The following SHOC1 variants were observed in gnomAD, a reference collection of about 807,000 sequenced individuals.
The protein encoded by SHOC1 is shortage in chiasmata 1, also known as protein shortage in chiasmata 1 ortholog.
SHOC1 carries 136 observed loss-of-function variants against 179.2 expected under a neutral mutation model. The ratio of observed to expected loss-of-function variants is 0.76; its 90% CI spans 0.66 to 0.87. The LOEUF is 0.87. Among genes scored for constraint, SHOC1 ranks in the 40% least tolerant of loss-of-function variants. The pLI is 0.00. For synonymous variants in SHOC1, 489 were observed against 586.6 expected, an observed-to-expected ratio of 0.83 and a Z score of 2.41; for missense variants, 1,538 against 1,700.8, an observed-to-expected ratio of 0.90 and a Z score of 1.68.
intron 17 of SHOC1, 95 bp downstream of exon 17, chr9:111,714,350 C>T: frequency 7.9e-7 from 1 of 1,266,602 alleles, no homozygotes; most frequent in Non-Finnish European, 1.1e-6. Flanking sequence ...GTAGTATAGA[C>T]TACTTCATAA....
chr9:111,773,535 C>T (rs531796605), intron 5 of SHOC1, among the ~76,000 whole-genome samples: 122 of 152,248 alleles, frequency 8.0e-4, no homozygotes, highest in African/African-American at 2.6e-3. Context: ...TGGTTTCGAA[C>T]GCCTGACCCC....
In SHOC1 at chr9:111,705,375, G is replaced by T; in HGVS notation, c.2738-11C>A. ...CCAGCAAGGTGCTTCCTAAATAAGA[G>T]AAAATTTATAAATATTTCTCTTTTA... On this transcript the variant is annotated splice_polypyrimidine_tract_variant and intron_variant, in intron 20 of 27. Transcript: ENST00000682961. The T allele has an allele frequency of 6.7e-6, 9 of 1,343,606 alleles. No homozygotes were observed. The highest frequency in any genetic ancestry group is 1.6e-5 in the South Asian group (1 of 64,492). The allele number at this position is 1,343,606 out of a possible 1,614,324, so 83.2% of individuals were successfully genotyped here. A position where few individuals can be genotyped will look rare whatever the true frequency, so the allele number is the denominator to read the frequency against.
chr9:111,718,384 T>C, intron 15 of SHOC1, 96 bp from the exon 16 acceptor site: 1 of 692,576 alleles, frequency 1.4e-6, no homozygotes. Flanking sequence ...TAACATTTAT[T>C]ATTGAGTGCT....
chr9:111,691,529 ATC>A lies in SHOC1; in HGVS notation c.4426+20_4426+21del. 36 of 1,535,184 alleles carry A rather than the reference ATC, an allele frequency of 2.3e-5. No individual in the cohort carries two copies. The highest frequency in any genetic ancestry group is 3.0e-5 in the Non-Finnish European group (34 of 1,141,138). ...TAAAATTAAATTTGAGAGTAGTTTT[ATC>A]AACTATTGGATAGTGTTACCTGTTA... On this transcript the variant is annotated intron_variant, in intron 27 of 27. Coordinates refer to ENST00000682961, the MANE Select transcript of SHOC1 (RefSeq NM_001378211.1).
intron 21 of SHOC1, 83 bp downstream of exon 21, chr9:111,705,164 T>TAC (rs1452730011): frequency 4.9e-5 from 4 of 81,420 alleles, no homozygotes; most frequent in African/African-American, 5.1e-5. Context: ...CCTATCAGAA[T>TAC]ATATATACAC....
chr9:111,742,567 G>A (rs1054875413), intron 10 of SHOC1, among the ~76,000 whole-genome samples: 1 of 152,114 alleles, frequency 6.6e-6, no homozygotes, highest in African/African-American at 2.4e-5. Context: ...ACTAGCCTTC[G>A]TAGGGGAAAG....
At chr9:111,769,880 G>A (rs1021417504) in intron 5 of SHOC1, among the ~76,000 whole-genome samples, 5 of 151,294 alleles carry the variant, frequency 3.3e-5, no homozygotes, top group Admixed American at 6.6e-5. Context: ...TTGTATTTCT[G>A]AGGTCTCAGT....
intron 7 of SHOC1, among the ~76,000 whole-genome samples, chr9:111,756,690 A>G (rs1054267370): frequency 5.3e-5 from 8 of 152,234 alleles, no homozygotes; most frequent in African/African-American, 1.9e-4. Flanking sequence ...TGAGTATTGT[A>G]TTTTATGGTC....
At chr9:111,776,008 T>C in intron 4 of SHOC1, 33 bp from the exon 5 acceptor site, 3 of 1,543,906 alleles carry the variant, frequency 1.9e-6, no homozygotes, top group Non-Finnish European at 2.7e-6. Context: ...ATGTTATGTA[T>C]GTCCTATTTT....
intron 24 of SHOC1, among the ~76,000 whole-genome samples, chr9:111,698,480 T>C (rs1831811828): frequency 6.6e-6 from 1 of 152,242 alleles, no homozygotes; most frequent in South Asian, 2.1e-4. Flanking sequence ...TTTTGTCAGG[T>C]TTGTCAAAGA....
intron 2 of SHOC1, among the ~76,000 whole-genome samples, chr9:111,788,722 T>C (rs966804994): frequency 1.3e-5 from 2 of 152,246 alleles, no homozygotes; most frequent in Admixed American, 6.5e-5. Flanking sequence ...TATCTTTGCA[T>C]TATTTCCTTT....
Position 111,758,834 on chromosome 9 carries a change from C to A in SHOC1, c.457G>T (p.Asp153Tyr). The change falls in exon 6 of 28, where the codon GAT (aspartate) becomes TAT (tyrosine). Residue 153 changes from aspartate (D) to tyrosine (Y), a missense_variant. Physicochemically the swap from Asp to Tyr is radical, Grantham distance 160 (BLOSUM62 -3). Transcript: ENST00000682961. The part of the protein sequence containing the change: ...QNQNQDLFID[D>Y]KGILFVSSRK... ...CTACTTACAAAAAGTATTCCTTTAT[C>A]ATCAATAAATAAATCTGAAAAGAAA... The A allele has an allele frequency of 6.6e-7, 1 of 1,510,156 alleles. No homozygotes were observed. The highest frequency in any genetic ancestry group is 9.0e-7 in the Non-Finnish European group (1 of 1,112,228). 93.5% of individuals were successfully genotyped at this position (1,510,156 alleles called of 1,614,324 possible).
At chr9:111,769,491 T>C (rs1428847663) in intron 5 of SHOC1, among the ~76,000 whole-genome samples, 1 of 152,148 alleles carries the variant, frequency 6.6e-6, no homozygotes, top group Non-Finnish European at 1.5e-5. Context: ...TTTTCCTTTT[T>C]TTGACATAGG....
intron 23 of SHOC1, among the ~76,000 whole-genome samples, chr9:111,700,446 C>T (rs1487824162): frequency 6.6e-6 from 1 of 152,164 alleles, no homozygotes; most frequent in Non-Finnish European, 1.5e-5. Flanking sequence ...CCAGAATTCC[C>T]TAAACTGTTA....
At chr9:111,750,157 C>CA (rs1330527539) in intron 8 of SHOC1, among the ~76,000 whole-genome samples, 8 of 152,218 alleles carry the variant, frequency 5.3e-5, no homozygotes, top group African/African-American at 1.7e-4. Flanking sequence ...AGTGTAAAAG[C>CA]ATTCATTCCT....
chr9:111,769,992 T>TTTTTTTTTTTTTTTTTTTG (rs1835528865), intron 5 of SHOC1, among the ~76,000 whole-genome samples: 1 of 146,034 alleles, frequency 6.8e-6, no homozygotes, highest in African/African-American at 2.5e-5. Flanking sequence ...TTTTGTTTTT[T>TTTTTTTTTTTTTTTTTTTG]TTTTTTTTTT....
At chr9:111,715,156 T>C (rs1832728073) in intron 16 of SHOC1, among the ~76,000 whole-genome samples, 1 of 152,220 alleles carries the variant, frequency 6.6e-6, no homozygotes. Flanking sequence ...AGATTCATCC[T>C]TGAAGGTTCA....
At chr9:111,705,105 A>T (rs943086723) in intron 21 of SHOC1, 142 bp downstream of exon 21, 13 of 396,446 alleles carry the variant, frequency 3.3e-5, no homozygotes, top group Non-Finnish European at 4.6e-5. Flanking sequence ...ATATAATTCC[A>T]GGCTTGAATC....
chr9:111,737,609 G>C (rs1182836850), intron 12 of SHOC1, among the ~76,000 whole-genome samples: 1 of 151,974 alleles, frequency 6.6e-6, no homozygotes, highest in African/African-American at 2.4e-5. Flanking sequence ...GCAGTGGGTC[G>C]AGATCATGCC....
Sources: gnomAD v4.1 joint callset for allele counts (sites outside exome capture counted in the v4.1 genomes callset) on GRCh38, gnomAD v4.1.1 for gene constraint, MANE v1.5 for transcripts, NCBI Gene and HGNC (gene_info 2026-07-23, HGNC 2026-07-21) for gene names.